Variants in DNM1L observed in about 807,000 individuals in gnomAD.
DNM1L encodes the protein dynamin-1-like protein.
DNM1L carries 33 observed loss-of-function variants against 92.8 expected under a neutral mutation model. The observed-to-expected ratio is 0.36, with a 90% CI of 0.27 to 0.48. The LOEUF is 0.48. DNM1L is among the 20% of genes least tolerant of loss of function. The probability of loss-of-function intolerance (pLI) is 0.99; values close to 1 mark genes in which losing one functional copy is unlikely to be tolerated. For synonymous variants in DNM1L, 284 were observed against 305.0 expected (o/e 0.93, Z 0.72); for missense variants, 485 against 888.8 (o/e 0.55, Z 5.78).
At chr12:32,733,895 T>A in intron 13 of DNM1L, 88 bp downstream of exon 13, 1 of 1,149,072 alleles carries the variant, frequency 8.7e-7, no homozygotes, top group Non-Finnish European at 1.3e-6. Context: ...GGAGTAACTA[T>A]AAAATAGACA....
intron 9 of DNM1L, chr12:32,726,427 A>G: frequency 6.8e-7 from 1 of 1,476,956 alleles, no homozygotes; most frequent in South Asian, 1.1e-5. Flanking sequence ...TTCGGGTCAT[A>G]GTCTGGATCA....
intron 6 of DNM1L, among the ~76,000 whole-genome samples, chr12:32,717,213 A>T (rs1953437014): frequency 8.8e-6 from 1 of 113,460 alleles, no homozygotes; most frequent in African/African-American, 3.5e-5. Context: ...ATATACTATA[A>T]AATATATAGT....
At chr12:32,729,401 A>T (rs916336484) in intron 9 of DNM1L, among the ~76,000 whole-genome samples, 4 of 152,006 alleles carry the variant, frequency 2.6e-5, no homozygotes, top group Admixed American at 2.6e-4. Context: ...TCTATTAAGC[A>T]ATTACTCATT....
chr12:32,733,862 G>A (rs971941016), intron 13 of DNM1L, 55 bp downstream of exon 13: 2 of 1,490,238 alleles, frequency 1.3e-6, no homozygotes, highest in African/African-American at 2.8e-5. Context: ...TTGTAACTCA[G>A]TTATATCAAA....
intron 1 of DNM1L, among the ~76,000 whole-genome samples, chr12:32,697,545 A>G (rs1273976874): frequency 6.6e-6 from 1 of 152,248 alleles, no homozygotes; most frequent in Non-Finnish European, 1.5e-5. Context: ...ATGAAATAAA[A>G]AGCAAACAAG....
rs891033096 is a variant in DNM1L, at chr12:32,717,078, T to A, written c.620-1565T>A. On this transcript the variant is annotated intron_variant, in intron 6 of 19. Transcript: ENST00000549701. ...TTACAAATATATATACATAGGTATA[T>A]ATATATATTTTATATATATATTTTA... Among the ~76,000 whole-genome samples the A allele has an allele frequency of 1.2e-4, 16 of 133,310 alleles. No homozygotes were observed. In the South Asian group the frequency reaches 1.9e-3, roughly 16 times the overall value. The allele number at this position is 133,310 out of a possible 152,430, so 87.5% of individuals were successfully genotyped here. A position where few individuals can be genotyped will look rare whatever the true frequency, so the allele number is the denominator to read the frequency against.
chr12:32,701,975 G>A (rs371278238), intron 2 of DNM1L, among the ~76,000 whole-genome samples: 14 of 148,316 alleles, frequency 9.4e-5, no homozygotes, highest in Admixed American at 5.4e-4. Flanking sequence ...CCATCCGCCC[G>A]CCTTGGCCTC....
intron 2 of DNM1L, chr12:32,705,751 T>C: frequency 4.4e-6 from 6 of 1,375,596 alleles, no homozygotes; most frequent in Non-Finnish European, 6.0e-6. Flanking sequence ...TCTGCACATT[T>C]GAATTTTTAA....
Position 32,743,657 on chromosome 12 carries a change from T to G in DNM1L, c.*247T>G, listed in dbSNP as rs1052123365. 6.0e-6 allele frequency: 3 copies of G among 500,830 alleles called. No homozygotes were observed. The highest frequency in any genetic ancestry group is 5.8e-5 in the African/African-American group (3 of 51,988). 31.0% of individuals were successfully genotyped at this position (500,830 alleles called of 1,614,324 possible). A position where few individuals can be genotyped will look rare whatever the true frequency, so the allele number is the denominator to read the frequency against. Reference sequence around the variant, plus strand: ...ATACATCAAGTCTGTCTTGTGACAGTTTCATCTGAACTTAACTTAAAAACA... The same window carrying G: ...ATACATCAAGTCTGTCTTGTGACAGGTTCATCTGAACTTAACTTAAAAACA... On this transcript the variant is annotated 3_prime_UTR_variant, in exon 20 of 20. Coordinates refer to ENST00000549701, the MANE Select transcript of DNM1L (RefSeq NM_012062.5).
intron 1 of DNM1L, among the ~76,000 whole-genome samples, chr12:32,680,744 G>GT (rs1225892209): frequency 6.6e-6 from 1 of 152,182 alleles, no homozygotes; most frequent in Non-Finnish European, 1.5e-5. Flanking sequence ...GGGACATATA[G>GT]TAAGTGCTCT....
intron 2 of DNM1L, among the ~76,000 whole-genome samples, chr12:32,703,212 G>C (rs1211553385): frequency 1.3e-5 from 2 of 152,028 alleles, no homozygotes; most frequent in African/African-American, 4.8e-5. Flanking sequence ...CGTAGTGTCA[G>C]CTCTTTGGTA....
intron 2 of DNM1L, chr12:32,705,614 T>C: frequency 2.2e-6 from 1 of 458,190 alleles, no homozygotes. Flanking sequence ...TATACATCCC[T>C]CTAATTCTAG....
At chr12:32,679,655 C>T in intron 1 of DNM1L, 190 bp downstream of exon 1, 8 of 1,295,428 alleles carry the variant, frequency 6.2e-6, no homozygotes, top group Non-Finnish European at 7.8e-6. Context: ...GGCAGCGTTG[C>T]ATCAAGGCGG....
rs764306629 is a variant in DNM1L, at chr12:32,708,242, G to A, written c.369+18G>A. The A allele has an allele frequency of 2.1e-6, 3 of 1,443,560 alleles. No individual in the cohort carries two copies. The Admixed American group carries it at 5.0e-5, about 24-fold the overall frequency. The allele number at this position is 1,443,560 out of a possible 1,614,324, so 89.4% of individuals were successfully genotyped here. ...ATAATAAGGTAGGCATCTTTTTAGA[G>A]CTAGAAGGCATAAGCATCAGTAAAT... On this transcript the variant is annotated intron_variant, in intron 4 of 19. Transcript: ENST00000549701.
chr12:32,681,901 G>T (rs1951820044), intron 1 of DNM1L, among the ~76,000 whole-genome samples: 1 of 151,872 alleles, frequency 6.6e-6, no homozygotes, highest in African/African-American at 2.4e-5. Context: ...CAGCTACTTG[G>T]GAAGATTGCC....
At chr12:32,728,354 T>G (rs1462253932) in intron 9 of DNM1L, 5 of 152,204 alleles carry the variant, frequency 3.3e-5, no homozygotes, top group East Asian at 3.9e-4. Flanking sequence ...AAAAATAGAT[T>G]ACCACAAATG....
At chr12:32,704,765 T>C (rs765822501) in intron 2 of DNM1L, among the ~76,000 whole-genome samples, 2 of 152,174 alleles carry the variant, frequency 1.3e-5, no homozygotes, top group Non-Finnish European at 2.9e-5. Flanking sequence ...GTAGTCTCCC[T>C]TTGGACTGAG....
intron 7 of DNM1L, 80 bp from the exon 8 acceptor site, chr12:32,720,584 A>C: frequency 6.3e-7 from 1 of 1,592,730 alleles, no homozygotes; most frequent in Non-Finnish European, 8.6e-7. Flanking sequence ...ATTAGAGAAC[A>C]ATGCCTGGTG....
chr12:32,741,132 T>G (rs1592691727), intron 18 of DNM1L, among the ~76,000 whole-genome samples: 1 of 152,252 alleles, frequency 6.6e-6, no homozygotes, highest in Non-Finnish European at 1.5e-5. Flanking sequence ...ATACTTCATA[T>G]TGAAATAAAT....
Sources: gnomAD v4.1 joint callset for allele counts (sites outside exome capture counted in the v4.1 genomes callset) on GRCh38, gnomAD v4.1.1 for gene constraint, MANE v1.5 for transcripts, NCBI Gene and HGNC (gene_info 2026-07-23, HGNC 2026-07-21) for gene names.